ST3GAL5: variants seen among roughly 807,000 people sequenced by gnomAD.
The protein encoded by ST3GAL5 is lactosylceramide alpha-2,3-sialyltransferase.
In ST3GAL5, 25 loss-of-function variants were observed where a neutral mutation model predicts 46.1. The ratio of observed to expected loss-of-function variants is 0.54; its 90% CI spans 0.40 to 0.76. The LOEUF (loss-of-function observed/expected upper bound fraction) is 0.76, where lower values mean the gene tolerates loss of function less well. ST3GAL5 is among the 30% of genes least tolerant of loss of function. ST3GAL5 has a pLI of 0.00. For synonymous variants in ST3GAL5, 182 were observed against 192.7 expected (o/e 0.94, Z 0.46); for missense variants, 431 against 521.2 (o/e 0.83, Z 1.69).
At chr2:85,854,895 G>A (rs1683928748) in intron 3 of ST3GAL5, 1 of 152,256 alleles carries the variant, frequency 6.6e-6, no homozygotes, top group South Asian at 2.1e-4. Flanking sequence ...TAGCCTCTTA[G>A]AAGGGGTAAC....
chr2:85,857,097 A>AAAAAAAAAT (rs1558669884), intron 3 of ST3GAL5, among the ~76,000 whole-genome samples: 11 of 132,288 alleles, frequency 8.3e-5, no homozygotes, highest in African/African-American at 3.0e-4. Flanking sequence ...AAAAAAAAAA[A>AAAAAAAAAT]TAGGCACGTA....
chr2:85,865,353 G>A (rs904288276), intron 1 of ST3GAL5, among the ~76,000 whole-genome samples: 6 of 151,310 alleles, frequency 4.0e-5, no homozygotes, highest in African/African-American at 1.5e-4. Context: ...AACTAAACAG[G>A]CATTCAAGTT....
intron 4 of ST3GAL5, among the ~76,000 whole-genome samples, chr2:85,846,966 T>C (rs1682869286): frequency 6.6e-6 from 1 of 152,218 alleles, no homozygotes; most frequent in East Asian, 1.9e-4. Context: ...GCTGACTTTT[T>C]GATTTTCTGT....
intron 1 of ST3GAL5, among the ~76,000 whole-genome samples, chr2:85,870,643 T>C (rs1344285372): frequency 6.6e-6 from 1 of 152,240 alleles, no homozygotes; most frequent in Non-Finnish European, 1.5e-5. Context: ...ATAATTCTTT[T>C]TTGTGTGCTT....
intron 1 of ST3GAL5, among the ~76,000 whole-genome samples, chr2:85,880,296 T>C (rs556815666): frequency 1.3e-5 from 2 of 152,306 alleles, no homozygotes; most frequent in African/African-American, 2.4e-5. Context: ...ACAAGTTACA[T>C]TTCCATTTCT....
chr2:85,878,374 C>T (rs188011997), intron 1 of ST3GAL5, among the ~76,000 whole-genome samples: 4 of 152,028 alleles, frequency 2.6e-5, no homozygotes, highest in African/African-American at 4.8e-5. Flanking sequence ...GATATACTAT[C>T]ATGACGGGGG....
chr2:85,880,813 G>T (rs1687062254), intron 1 of ST3GAL5: 1 of 482,808 alleles, frequency 2.1e-6, no homozygotes, highest in Admixed American at 2.2e-5. Flanking sequence ...GACAGACCAA[G>T]AATCTGTCTA....
chr2:85,875,039 G>A (rs553184863), intron 1 of ST3GAL5, among the ~76,000 whole-genome samples: 11 of 152,202 alleles, frequency 7.2e-5, no homozygotes, highest in African/African-American at 2.4e-4. Context: ...CCCCCACCAT[G>A]GAAGAAAATG....
intron 3 of ST3GAL5, among the ~76,000 whole-genome samples, chr2:85,859,045 G>A (rs1274780071): frequency 6.6e-6 from 1 of 152,228 alleles, no homozygotes; most frequent in Non-Finnish European, 1.5e-5. Context: ...CCGGGGCACA[G>A]GTTGACACAG....
Position 85,863,442 on chromosome 2 carries a change from G to A in ST3GAL5, c.126C>T (p.Cys42=). The change falls in exon 2 of 7, where the codon TGC becomes TGT. Residue 42 remains cysteine (C), a synonymous_variant. Coordinates refer to ENST00000638572, the MANE Select transcript of ST3GAL5 (RefSeq NM_003896.4). ...TGTACCATTGCAGGGAAGGCCTCGA[G>A]CAATCACTTCTCAGTTTCACATAGG... The part of the protein sequence containing the change: ...EYTYVKLRSD[C]SRPSLQWYTR... The A allele has an allele frequency of 1.2e-6, 2 of 1,614,204 alleles. No individual in the cohort carries two copies. Among genetic ancestry groups the A allele is most frequent in the South Asian group, 1.1e-5 (1 of 91,088 alleles).
intron 2 of ST3GAL5, among the ~76,000 whole-genome samples, chr2:85,862,824 C>T (rs1260193644): frequency 1.3e-5 from 2 of 152,094 alleles, no homozygotes; most frequent in Non-Finnish European, 2.9e-5. Flanking sequence ...TATGTTTAGA[C>T]ATGAAAAAAG....
intron 3 of ST3GAL5, among the ~76,000 whole-genome samples, chr2:85,857,097 A>G (rs10179419): frequency 7.6e-6 from 1 of 132,290 alleles, no homozygotes; most frequent in Non-Finnish European, 1.6e-5. Flanking sequence ...AAAAAAAAAA[A>G]TAGGCACGTA....
intron 4 of ST3GAL5, 137 bp from the exon 5 acceptor site, chr2:85,846,700 C>G: frequency 2.6e-6 from 2 of 771,540 alleles, no homozygotes; most frequent in Admixed American, 4.5e-5. Flanking sequence ...GCCTCATCTC[C>G]CCTCCCAGCT....
chr2:85,886,166 C>T (rs1287680993), intron 1 of ST3GAL5, among the ~76,000 whole-genome samples: 1 of 152,346 alleles, frequency 6.6e-6, no homozygotes, highest in African/African-American at 2.4e-5. Context: ...CAATTGCTCA[C>T]GCCTGTAATC....
chr2:85,884,009 G>C (rs1473700334), intron 1 of ST3GAL5, among the ~76,000 whole-genome samples: 1 of 152,104 alleles, frequency 6.6e-6, no homozygotes, highest in Non-Finnish European at 1.5e-5. Context: ...GGCAGGCTGG[G>C]AATGCACTAC....
chr2:85,842,047 GAAC>G (rs35483582), intron 6 of ST3GAL5, among the ~76,000 whole-genome samples: 26,150 of 152,026 alleles, frequency 0.17, 2,731 homozygotes, highest in South Asian at 0.34. Flanking sequence ...TTGTAAAGTG[GAAC>G]AACAGTGGAC....
chr2:85,855,941 A>G lies in ST3GAL5; in HGVS notation c.318+5240T>C, dbSNP rs1684054052. On this transcript the variant is annotated intron_variant, in intron 3 of 6. Coordinates refer to ENST00000638572, the MANE Select transcript of ST3GAL5 (RefSeq NM_003896.4). ...TGACAGTAGTAAAAAAGGAAAGATAATAACAAATGTTGATAAAGATGCGGA... is the reference window on the plus strand; with the variant it reads ...TGACAGTAGTAAAAAAGGAAAGATAGTAACAAATGTTGATAAAGATGCGGA... 3 of 152,218 alleles carry G rather than the reference A, an allele frequency of 2.0e-5. No homozygotes were observed. The South Asian group carries it at 6.2e-4, about 32-fold the overall frequency. 9.4% of individuals were successfully genotyped at this position (152,218 alleles called of 1,614,324 possible). A position where few individuals can be genotyped will look rare whatever the true frequency, so the allele number is the denominator to read the frequency against.
At chr2:85,883,243 G>A (rs1381529895) in intron 1 of ST3GAL5, among the ~76,000 whole-genome samples, 2 of 152,080 alleles carry the variant, frequency 1.3e-5, no homozygotes, top group Admixed American at 1.3e-4. Context: ...TTGAATCATG[G>A]GGGCCGGTCT....
intron 1 of ST3GAL5, chr2:85,866,337 A>G (rs1223443222): frequency 6.6e-6 from 1 of 152,248 alleles, no homozygotes; most frequent in Non-Finnish European, 1.5e-5. Flanking sequence ...GGGCCTGCCA[A>G]TAATACCTCC....
Sources: allele counts gnomAD v4.1 joint callset (sites outside exome capture counted in the v4.1 genomes callset), GRCh38; gene constraint gnomAD v4.1.1; transcripts MANE v1.5; gene names NCBI Gene and HGNC (gene_info 2026-07-23, HGNC 2026-07-21).